SH2D4B: variants seen among roughly 807,000 people sequenced by gnomAD.
SH2D4B encodes the protein SH2 domain-containing protein 4B.
Under a neutral mutation model 61.5 loss-of-function variants are expected in SH2D4B, and 45 were observed. That is an observed-to-expected ratio of 0.73 (90% CI 0.58 to 0.94). The LOEUF is 0.94. SH2D4B is among the 40% of genes least tolerant of loss of function. The pLI, the probability that SH2D4B is intolerant of heterozygous loss-of-function variation, is 0.00. For synonymous variants in SH2D4B, 224 were observed against 220.4 expected (o/e 1.02, Z -0.14); for missense variants, 572 against 574.2 (o/e 1.00, Z 0.04).
In SH2D4B at chr10:80,588,638, G is replaced by GGAAGAGGAGAGGAAGCGAGGA; in HGVS notation, c.511_531dup (p.Glu171_Glu177dup). 1.9e-6 allele frequency: 3 copies of GGAAGAGGAGAGGAAGCGAGGA among 1,613,880 alleles called. No individual in the cohort carries two copies. The highest frequency in any genetic ancestry group is 2.5e-6 in the Non-Finnish European group (3 of 1,180,010). ...TTCCCATGACATTTTAGAGGAAAGA[G>GGAAGAGGAGAGGAAGCGAGGA]GAAGAGGAGAGGAAGCGAGGAGAAG... is the stretch of plus-strand genomic sequence containing the variant. On this transcript the variant is annotated inframe_insertion, in exon 4 of 8. Transcript: ENST00000646907.
At chr10:80,570,024 T>C in intron 1 of SH2D4B, 130 bp from the exon 2 acceptor site, 1 of 1,146,382 alleles carries the variant, frequency 8.7e-7, no homozygotes, top group Non-Finnish European at 1.3e-6. Context: ...CCAGTGTCTC[T>C]CTGGCATTCT....
intron 1 of SH2D4B, among the ~76,000 whole-genome samples, chr10:80,543,739 G>T (rs984541296): frequency 1.3e-5 from 2 of 152,086 alleles, no homozygotes; most frequent in African/African-American, 4.8e-5. Context: ...TACACCAATC[G>T]GCACTCTGTA....
intron 6 of SH2D4B, among the ~76,000 whole-genome samples, chr10:80,618,499 G>T (rs1249058631): frequency 6.6e-6 from 1 of 152,192 alleles, no homozygotes; most frequent in Non-Finnish European, 1.5e-5. Flanking sequence ...AAAAAAAGAA[G>T]GCCTTTGAGC....
chr10:80,617,015 G>A (rs1842668840), intron 6 of SH2D4B, among the ~76,000 whole-genome samples: 1 of 152,232 alleles, frequency 6.6e-6, no homozygotes, highest in Non-Finnish European at 1.5e-5. Flanking sequence ...GGCACAGAGA[G>A]GTGAAGTCAG....
At chr10:80,540,688 C>A in intron 1 of SH2D4B, 1 of 736,574 alleles carries the variant, frequency 1.4e-6, no homozygotes, top group Admixed American at 2.8e-5. Flanking sequence ...ACTCATTCAC[C>A]AATTCATTCA....
At chr10:80,638,950 G>A (rs1840239898) in intron 7 of SH2D4B, among the ~76,000 whole-genome samples, 1 of 152,214 alleles carries the variant, frequency 6.6e-6, no homozygotes, top group Non-Finnish European at 1.5e-5. Context: ...TCTACACACT[G>A]CTTTAAATGT....
intron 5 of SH2D4B, among the ~76,000 whole-genome samples, chr10:80,604,856 T>G (rs1310747222): frequency 4.6e-5 from 7 of 151,842 alleles, no homozygotes; most frequent in Non-Finnish European, 1.0e-4. Context: ...TGCAGTGGCG[T>G]GATCTCAGCC....
chr10:80,571,426 G>C lies in SH2D4B; in HGVS notation c.348-5G>C, dbSNP rs1444535054. 1.2e-5 allele frequency: 19 copies of C among 1,613,762 alleles called. No individual in the cohort carries two copies. The highest frequency in any genetic ancestry group is 1.6e-5 in the Non-Finnish European group (19 of 1,179,742). ...AAGCTTATACCTGTGGTGCTCTCTT[G>C]GTAGGAGACAGAAGGAGGCAGAGAT... On this transcript the variant is annotated splice_region_variant and splice_polypyrimidine_tract_variant and intron_variant, in intron 2 of 7. Coordinates refer to ENST00000646907, the MANE Select transcript of SH2D4B (RefSeq NM_001388272.1).
chr10:80,591,450 C>T (rs572220679), intron 4 of SH2D4B, among the ~76,000 whole-genome samples: 16 of 149,952 alleles, frequency 1.1e-4, no homozygotes, highest in African/African-American at 2.7e-4. Context: ...TTCAGAGTCC[C>T]GAGGCAGTGG....
At chr10:80,545,413 TTC>T (rs1841661636) in intron 1 of SH2D4B, among the ~76,000 whole-genome samples, 1 of 150,920 alleles carries the variant, frequency 6.6e-6, no homozygotes, top group South Asian at 2.1e-4. Context: ...TTCTCTTACT[TTC>T]TGTCCTCTTT....
At chr10:80,596,079 A>G (rs987207130) in intron 4 of SH2D4B, among the ~76,000 whole-genome samples, 1 of 152,170 alleles carries the variant, frequency 6.6e-6, no homozygotes, top group African/African-American at 2.4e-5. Context: ...CACTGTTACC[A>G]GTTACTTCTT....
chr10:80,587,198 C>T (rs1485299401), intron 3 of SH2D4B, among the ~76,000 whole-genome samples: 4 of 137,468 alleles, frequency 2.9e-5, no homozygotes, highest in East Asian at 2.2e-4. Context: ...TGCAGTGGCG[C>T]GATCTCGGCT....
At chr10:80,620,323 A>T (rs958418599) in intron 6 of SH2D4B, among the ~76,000 whole-genome samples, 1 of 151,968 alleles carries the variant, frequency 6.6e-6, no homozygotes, top group African/African-American at 2.4e-5. Context: ...TCTCCTGCCC[A>T]CCTGTGAAGA....
intron 1 of SH2D4B, among the ~76,000 whole-genome samples, chr10:80,560,798 G>A (rs1841894248): frequency 1.4e-5 from 2 of 146,670 alleles, no homozygotes. Context: ...CCTGGGGTCT[G>A]TGAGGATTTT....
intron 4 of SH2D4B, among the ~76,000 whole-genome samples, chr10:80,594,123 G>A (rs890922707): frequency 6.6e-6 from 1 of 152,176 alleles, no homozygotes; most frequent in South Asian, 2.1e-4. Flanking sequence ...GATGTTAGCT[G>A]TGGGTTTTCA....
chr10:80,628,171 G>T (rs968378968), intron 6 of SH2D4B, among the ~76,000 whole-genome samples: 1 of 152,152 alleles, frequency 6.6e-6, no homozygotes, highest in Non-Finnish European at 1.5e-5. Context: ...GGCAATCCAG[G>T]GGGAGAGAGA....
intron 3 of SH2D4B, among the ~76,000 whole-genome samples, chr10:80,580,737 A>G (rs1341131657): frequency 1.3e-5 from 2 of 152,186 alleles, no homozygotes; most frequent in Non-Finnish European, 2.9e-5. Context: ...GACATTTTCC[A>G]CAGGATTCTG....
At chr10:80,632,786 TG>T (rs1206290739) in intron 6 of SH2D4B, among the ~76,000 whole-genome samples, 2 of 152,094 alleles carry the variant, frequency 1.3e-5, no homozygotes, top group Admixed American at 1.3e-4. Context: ...CAAGGCCTTC[TG>T]GGGGGAAGCA....
chr10:80,559,452 C>G (rs1841877003), intron 1 of SH2D4B, among the ~76,000 whole-genome samples: 1 of 152,058 alleles, frequency 6.6e-6, no homozygotes, highest in Non-Finnish European at 1.5e-5. Context: ...TACTTTGGTG[C>G]CTTTCTACAA....
Sources: gnomAD v4.1 joint callset for allele counts (sites outside exome capture counted in the v4.1 genomes callset) on GRCh38, gnomAD v4.1.1 for gene constraint, MANE v1.5 for transcripts, NCBI Gene and HGNC (gene_info 2026-07-23, HGNC 2026-07-21) for gene names.